The following CELF2 variants were observed in gnomAD, a reference collection of about 807,000 sequenced individuals.
CELF2 encodes the protein CUG triplet repeat RNA-binding protein 2.
A neutral mutation model predicts 62.6 loss-of-function variants in CELF2; 8 were observed. The ratio of observed to expected loss-of-function variants is 0.13; its 90% CI spans 0.07 to 0.23. The LOEUF (loss-of-function observed/expected upper bound fraction) is 0.23, where lower values mean the gene tolerates loss of function less well. Among genes scored for constraint, CELF2 ranks in the 10% least tolerant of loss-of-function variants. CELF2 has a pLI of 1.00. For synonymous variants in CELF2, 258 were observed against 250.0 expected, an observed-to-expected ratio of 1.03 and a Z score of -0.30; for missense variants, 333 against 671.0, an observed-to-expected ratio of 0.50 and a Z score of 5.56.
At chr10:10,463,958 T>TAAAA in the CELF2 span, among the ~76,000 whole-genome samples, 1 of 143,358 alleles carries the variant, frequency 7.0e-6, no homozygotes. Context: ...AACCTTTTTC[T>TAAAA]AAAAAAAAAA....
At chr10:10,966,526 C>A (rs74496792) in intron 2 of CELF2, 1,964 of 152,372 alleles carry the variant, frequency 0.013, 19 homozygotes, top group Non-Finnish European at 0.02. Context: ...GGCTTCCTAC[C>A]ATACTCTAAC....
intron 1 of CELF2, among the ~76,000 whole-genome samples, chr10:11,063,021 C>G (rs2067199476): frequency 6.6e-6 from 1 of 152,192 alleles, no homozygotes. Context: ...GCGGAAGACT[C>G]AAACGATAGT....
chr10:10,606,392 C>T, the CELF2 span, among the ~76,000 whole-genome samples: 2 of 152,062 alleles, frequency 1.3e-5, no homozygotes, highest in South Asian at 2.1e-4. Flanking sequence ...ACATAAATTC[C>T]TTGAGAATTA....
At chr10:11,218,737 C>T (rs576742990) in intron 3 of CELF2, among the ~76,000 whole-genome samples, 1 of 152,372 alleles carries the variant, frequency 6.6e-6, no homozygotes, top group African/African-American at 2.4e-5. Context: ...CTCTCTGAAA[C>T]TGCTAAGGTG....
At chr10:11,226,659 C>T (rs998756520) in intron 3 of CELF2, among the ~76,000 whole-genome samples, 1 of 151,974 alleles carries the variant, frequency 6.6e-6, no homozygotes, top group Admixed American at 6.6e-5. Context: ...GGCCCTGCCA[C>T]AGCAGGGGCA....
the CELF2 span, among the ~76,000 whole-genome samples, chr10:10,647,405 T>A: frequency 2.0e-5 from 3 of 152,300 alleles, no homozygotes; most frequent in South Asian, 6.2e-4. Flanking sequence ...CTCTCCCAGG[T>A]CTTTCTGATA....
chr10:10,521,907 C>A, the CELF2 span, among the ~76,000 whole-genome samples: 2 of 152,166 alleles, frequency 1.3e-5, no homozygotes, highest in African/African-American at 2.4e-5. Context: ...CTCATGACAT[C>A]CTTCTCTAAC....
At chr10:11,126,539 T>C (rs565734216) in intron 1 of CELF2, among the ~76,000 whole-genome samples, 286 of 152,316 alleles carry the variant, frequency 1.9e-3, no homozygotes, top group African/African-American at 6.6e-3. Context: ...AATAATTCCC[T>C]AAAAATGCAG....
At chr10:10,709,703 G>A in the CELF2 span, among the ~76,000 whole-genome samples, 4 of 152,206 alleles carry the variant, frequency 2.6e-5, no homozygotes, top group African/African-American at 9.6e-5. Flanking sequence ...GGAAAAGGGC[G>A]AGGCAGTGGT....
intron 1 of CELF2, among the ~76,000 whole-genome samples, chr10:11,113,201 C>CT (rs2055670839): frequency 6.6e-6 from 1 of 152,162 alleles, no homozygotes; most frequent in African/African-American, 2.4e-5. Flanking sequence ...GATAGTGATT[C>CT]TTGCCAAGGT....
rs1434942097 is a variant in CELF2 at position 11,267,647 on chromosome 10, G to A, written c.618+970G>A. Among the ~76,000 whole-genome samples, 1 of 152,056 alleles carries A rather than the reference G, an allele frequency of 6.6e-6. No homozygotes were observed. The highest frequency in any genetic ancestry group is 2.4e-5 in the African/African-American group (1 of 41,396). On this transcript the variant is annotated intron_variant, in intron 6 of 12. Transcript: ENST00000633077. This position sits in a 1 kb window ranked among gnomAD's most constrained non-coding sequence, Gnocchi z 4.4. ...AAACTTTTTTCTTGATTGAGCTTCTGTTTTCCCCCCATTTTGTTGGGGTTT... is the reference window on the plus strand; with the variant it reads ...AAACTTTTTTCTTGATTGAGCTTCTATTTTCCCCCCATTTTGTTGGGGTTT...
At chr10:11,164,340 A>C (rs932203678) in intron 1 of CELF2, among the ~76,000 whole-genome samples, 2 of 152,202 alleles carry the variant, frequency 1.3e-5, no homozygotes, top group Non-Finnish European at 2.9e-5. Flanking sequence ...CAAGTGAAAA[A>C]GACATGTCTT....
Position 11,267,110 on chromosome 10 carries a change from A to T in CELF2, c.618+433A>T, listed in dbSNP as rs1372488029. Among the ~76,000 whole-genome samples, 1 of 152,222 alleles carries T rather than the reference A, an allele frequency of 6.6e-6. No homozygotes were observed. The highest frequency in any genetic ancestry group is 1.5e-5 in the Non-Finnish European group (1 of 68,032). ...AGTCCCAGGGTTCTTTCGTTTGTAC[A>T]GGGTCAAGTTATCTTCCATCTAGTC... On this transcript the variant is annotated intron_variant, in intron 6 of 12. Coordinates refer to ENST00000633077, the MANE Select transcript of CELF2 (RefSeq NM_001326342.2). The surrounding 1 kb of genome is among the most constrained non-coding windows in gnomAD (Gnocchi z 4.4).
intron 1 of CELF2, among the ~76,000 whole-genome samples, chr10:10,879,665 G>A (rs941717315): frequency 1.3e-5 from 2 of 152,050 alleles, no homozygotes; most frequent in Non-Finnish European, 2.9e-5. Flanking sequence ...TCCTTTCTTC[G>A]GCCCAATCAA....
the CELF2 span, among the ~76,000 whole-genome samples, chr10:10,493,550 G>C: frequency 2.3e-5 from 3 of 130,602 alleles, no homozygotes; most frequent in Non-Finnish European, 4.9e-5. Context: ...TTTTTTTCTT[G>C]AGATGGAGTC....
chr10:10,578,076 A>T, the CELF2 span, among the ~76,000 whole-genome samples: 2 of 152,194 alleles, frequency 1.3e-5, no homozygotes, highest in African/African-American at 4.8e-5. Flanking sequence ...ATGGTATCTC[A>T]TTGTGGTTTT....
At position 10,819,994 on chromosome 10, in the gene CELF2, C is replaced by G. The variant is rs117895861; in HGVS notation, c.53+21177C>G. Among the ~76,000 whole-genome samples the G allele has an allele frequency of 9.0e-4, 137 of 152,158 alleles. 1 individual carries two copies. In the East Asian group the frequency reaches 0.017, roughly 18 times the overall value. ...GTTCCCGTGTGTTGTGGGAGGGACC[C>G]AGGGGGAGGTAAATGAATCATGGGG... On this transcript the variant is annotated intron_variant, in intron 1 of 13. Transcript: ENST00000636488.
chr10:10,652,910 A>T, the CELF2 span, among the ~76,000 whole-genome samples: 3 of 152,342 alleles, frequency 2.0e-5, no homozygotes, highest in Middle Eastern at 3.4e-3. Context: ...CAATTAAAAG[A>T]CACAGACTGG....
At chr10:10,511,261 A>C in the CELF2 span, among the ~76,000 whole-genome samples, 3,254 of 152,186 alleles carry the variant, frequency 0.021, 107 homozygotes, top group African/African-American at 0.076. Context: ...AAATACAAAA[A>C]TTAGCTGGGC....
Sources: allele counts gnomAD v4.1 joint callset (sites outside exome capture counted in the v4.1 genomes callset), GRCh38; gene constraint gnomAD v4.1.1; non-coding constraint Gnocchi (gnomAD v3.1); transcripts MANE v1.5; gene names NCBI Gene and HGNC (gene_info 2026-07-23, HGNC 2026-07-21).